Variants in STT3B observed in about 807,000 individuals in gnomAD.
STT3B encodes the protein STT3 oligosaccharyltransferase complex catalytic subunit B.
In STT3B, 29 loss-of-function variants were observed where a neutral mutation model predicts 96.8. That is an observed-to-expected ratio of 0.30 (90% confidence interval 0.22 to 0.41). The LOEUF (loss-of-function observed/expected upper bound fraction) is 0.41. STT3B is among the 10% of genes least tolerant of loss of function. STT3B has a pLI of 1.00. For missense variants in STT3B, 640 were observed against 1,022.3 expected (o/e 0.63, Z 5.10); for synonymous variants, 367 against 360.0 (o/e 1.02, Z -0.22).
At chr3:31,558,645 C>G (rs1457011003) in intron 1 of STT3B, among the ~76,000 whole-genome samples, 1 of 152,078 alleles carries the variant, frequency 6.6e-6, no homozygotes, top group Non-Finnish European at 1.5e-5. Context: ...TTGTAGTATC[C>G]TTGTCTAGTT....
At position 31,619,778 on chromosome 3, in the gene STT3B, C is replaced by A; in HGVS notation, c.1275C>A (p.Phe425Leu). ...FFDLHILVCT[F>L]PAGLWFCIKN... Reference sequence around the variant, plus strand: ...ATCTACATATTCTTGTATGTACCTTCCCAGCAGGCCTTTGGTTCTGCATCA... The same window carrying A: ...ATCTACATATTCTTGTATGTACCTTACCAGCAGGCCTTTGGTTCTGCATCA... The change falls in exon 9 of 16, where the codon TTC (phenylalanine) becomes TTA (leucine). Residue 425 changes from phenylalanine (F) to leucine (L), a missense_variant. Phe to Leu is a conservative substitution (Grantham distance 22, BLOSUM62 0). Coordinates refer to ENST00000295770, the MANE Select transcript of STT3B (RefSeq NM_178862.3). 6 of 1,613,798 alleles carry A rather than the reference C, an allele frequency of 3.7e-6. No individual in the cohort carries two copies. Among genetic ancestry groups the A allele is most frequent in the Non-Finnish European group, 5.1e-6 (6 of 1,179,892 alleles).
intron 10 of STT3B, among the ~76,000 whole-genome samples, chr3:31,622,934 A>G (rs1699459753): frequency 1.3e-5 from 2 of 152,212 alleles, no homozygotes; most frequent in African/African-American, 4.8e-5. Flanking sequence ...TATTGCCTGG[A>G]TTTTAAAATA....
chr3:31,549,157 GATA>G (rs1697489869), intron 1 of STT3B, among the ~76,000 whole-genome samples: 2 of 152,078 alleles, frequency 1.3e-5, no homozygotes, highest in South Asian at 4.1e-4. Flanking sequence ...AAGTCGTAGA[GATA>G]ATAAAACTAG....
At position 31,623,842 on chromosome 3, in the gene STT3B, G is replaced by A; in HGVS notation, c.1708G>A (p.Ala570Thr). ...CTACTCTAGTCCAAGTGTAGTCCTG[G>A]CCTCATACAATCATGATGGGTAAGA... is the stretch of plus-strand genomic sequence containing the variant. ...NAYSSPSVVLASYNHDGTRNI... is the reference protein window; with the variant it reads ...NAYSSPSVVLTSYNHDGTRNI... The change falls in exon 11 of 16, where the codon GCC becomes ACC. Residue 570 changes from alanine to threonine, a missense_variant. Ala to Thr is a moderately conservative substitution (Grantham distance 58, BLOSUM62 0). Transcript: ENST00000295770. 1 of 1,607,170 alleles carries A rather than the reference G, an allele frequency of 6.2e-7. No individual in the cohort carries two copies. Among genetic ancestry groups the A allele is most frequent in the Non-Finnish European group, 8.5e-7 (1 of 1,175,942 alleles).
intron 1 of STT3B, among the ~76,000 whole-genome samples, chr3:31,534,776 A>G (rs1341788737): frequency 6.6e-6 from 1 of 152,208 alleles, no homozygotes; most frequent in Non-Finnish European, 1.5e-5. Context: ...TTTTCATTCC[A>G]TTTTAGAAGT....
intron 1 of STT3B, among the ~76,000 whole-genome samples, chr3:31,538,323 T>C (rs1375663997): frequency 6.6e-6 from 1 of 152,208 alleles, no homozygotes; most frequent in African/African-American, 2.4e-5. Context: ...TGTATATACA[T>C]GCTGTTTCAG....
At chr3:31,558,113 G>T (rs1448722787) in intron 1 of STT3B, among the ~76,000 whole-genome samples, 3 of 152,188 alleles carry the variant, frequency 2.0e-5, no homozygotes, top group African/African-American at 7.2e-5. Flanking sequence ...TATAAGATCA[G>T]GTGATATGCA....
intron 9 of STT3B, among the ~76,000 whole-genome samples, chr3:31,620,545 C>T (rs1699403918): frequency 6.6e-6 from 1 of 152,124 alleles, no homozygotes; most frequent in African/African-American, 2.4e-5. Flanking sequence ...TTTCACTAAA[C>T]ATCCTCTTCA....
intron 1 of STT3B, among the ~76,000 whole-genome samples, chr3:31,551,424 C>T (rs1186277121): frequency 2.0e-5 from 3 of 151,968 alleles, no homozygotes; most frequent in Non-Finnish European, 2.9e-5. Flanking sequence ...GCCATGTTGC[C>T]CAGGCTGGTC....
chr3:31,582,529 G>C (rs1346679724), intron 3 of STT3B, among the ~76,000 whole-genome samples: 2 of 151,766 alleles, frequency 1.3e-5, no homozygotes, highest in Non-Finnish European at 2.9e-5. Context: ...TCCTGAACTC[G>C]TGATCCACCC....
intron 1 of STT3B, among the ~76,000 whole-genome samples, chr3:31,543,578 G>T (rs1026873086): frequency 2.0e-5 from 3 of 152,152 alleles, no homozygotes; most frequent in African/African-American, 7.2e-5. Flanking sequence ...GCAATACTTT[G>T]AAATTTTGGA....
intron 5 of STT3B, among the ~76,000 whole-genome samples, chr3:31,603,639 T>A (rs1388143131): frequency 6.6e-6 from 1 of 152,124 alleles, no homozygotes; most frequent in Non-Finnish European, 1.5e-5. Context: ...GCTTTCTAAT[T>A]TGATTAAAGC....
intron 1 of STT3B, among the ~76,000 whole-genome samples, chr3:31,553,220 C>A (rs913700423): frequency 6.6e-6 from 1 of 151,638 alleles, no homozygotes; most frequent in East Asian, 1.9e-4. Flanking sequence ...TTCTTAAATA[C>A]GTGTCTACTA....
intron 1 of STT3B, among the ~76,000 whole-genome samples, chr3:31,551,349 G>A (rs1269320676): frequency 1.3e-5 from 2 of 152,004 alleles, no homozygotes; most frequent in Non-Finnish European, 2.9e-5. Flanking sequence ...TCAAGTAGCT[G>A]GCACTACATG....
intron 3 of STT3B, among the ~76,000 whole-genome samples, chr3:31,589,132 T>A (rs1698611235): frequency 6.6e-6 from 1 of 152,068 alleles, no homozygotes; most frequent in South Asian, 2.1e-4. Context: ...TAGTTTTCCA[T>A]ATAGGGATTC....
chr3:31,563,202 A>G (rs1235173265), intron 1 of STT3B, among the ~76,000 whole-genome samples: 5 of 152,164 alleles, frequency 3.3e-5, no homozygotes, highest in East Asian at 1.9e-4. Context: ...GTTCCTCTCC[A>G]TAGATGAGAC....
At chr3:31,534,197 G>A (rs958495818) in intron 1 of STT3B, among the ~76,000 whole-genome samples, 4 of 152,204 alleles carry the variant, frequency 2.6e-5, no homozygotes, top group African/African-American at 4.8e-5. Context: ...GTGGATAAGA[G>A]CAAACAGTAC....
intron 1 of STT3B, among the ~76,000 whole-genome samples, chr3:31,538,931 G>A (rs1160233376): frequency 6.6e-6 from 1 of 152,092 alleles, no homozygotes; most frequent in Non-Finnish European, 1.5e-5. Flanking sequence ...GTGGAATACT[G>A]TAGGGTTTTT....
intron 3 of STT3B, among the ~76,000 whole-genome samples, chr3:31,589,792 G>T (rs954311936): frequency 3.3e-5 from 5 of 151,868 alleles, no homozygotes; most frequent in African/African-American, 1.2e-4. Context: ...GAGACAGAGG[G>T]TCTTTGCTAC....
Sources: allele counts gnomAD v4.1 joint callset (sites outside exome capture counted in the v4.1 genomes callset), GRCh38; gene constraint gnomAD v4.1.1; transcripts MANE v1.5; gene names NCBI Gene and HGNC (gene_info 2026-07-23, HGNC 2026-07-21).